The following HCN1 variants were observed in gnomAD, a reference collection of about 807,000 sequenced individuals.
The protein encoded by HCN1 is potassium/sodium hyperpolarization-activated cyclic nucleotide-gated channel 1.
HCN1 carries 13 observed loss-of-function variants against 78.9 expected under a neutral mutation model. That is an observed-to-expected ratio of 0.16 (90% CI 0.11 to 0.26). The LOEUF is 0.26. HCN1 is among the 10% of genes least tolerant of loss of function. The pLI, the probability that HCN1 is intolerant of heterozygous loss-of-function variation, is 1.00. For missense variants in HCN1, 810 were observed against 1,154.3 expected (o/e 0.70, Z 4.32); for synonymous variants, 552 against 455.5 (o/e 1.21, Z -2.70).
intron 5 of HCN1, among the ~76,000 whole-genome samples, chr5:45,318,528 G>T (rs940864378): frequency 2.6e-5 from 4 of 151,500 alleles, no homozygotes; most frequent in Non-Finnish European, 5.9e-5. Context: ...AAACCTGCAC[G>T]TTGTGCACAT....
At chr5:45,596,046 C>A (rs995992020) in intron 2 of HCN1, among the ~76,000 whole-genome samples, 1 of 151,858 alleles carries the variant, frequency 6.6e-6, no homozygotes, top group Non-Finnish European at 1.5e-5. Context: ...CAGGGGACCA[C>A]AACCACACCC....
At chr5:45,370,235 G>A (rs1317152421) in intron 4 of HCN1, among the ~76,000 whole-genome samples, 1 of 151,640 alleles carries the variant, frequency 6.6e-6, no homozygotes, top group Non-Finnish European at 1.5e-5. Flanking sequence ...ATTAAAAACG[G>A]ACATATTTAT....
At chr5:45,651,139 GCTC>G (rs1174477664) in intron 1 of HCN1, among the ~76,000 whole-genome samples, 1 of 151,862 alleles carries the variant, frequency 6.6e-6, no homozygotes, top group African/African-American at 2.4e-5. Context: ...ATTTACAGTC[GCTC>G]CTATTTTATC....
At chr5:45,408,969 G>T (rs1008382031) in intron 3 of HCN1, among the ~76,000 whole-genome samples, 1 of 151,900 alleles carries the variant, frequency 6.6e-6, no homozygotes, top group African/African-American at 2.4e-5. Context: ...TGTTTATGTC[G>T]GTTATCAGAT....
chr5:45,310,169 A>G (rs570249237), intron 5 of HCN1, among the ~76,000 whole-genome samples: 2 of 152,204 alleles, frequency 1.3e-5, no homozygotes, highest in East Asian at 1.9e-4. Flanking sequence ...ACAAACGGGA[A>G]CTAATTAAAC....
At chr5:45,424,695 T>A (rs548410664) in intron 3 of HCN1, among the ~76,000 whole-genome samples, 2,068 of 152,296 alleles carry the variant, frequency 0.014, 27 homozygotes, top group Middle Eastern at 0.061. Flanking sequence ...TTTTTGCTGT[T>A]TATTACTGAC....
At chr5:45,604,619 T>C (rs1294585772) in intron 2 of HCN1, among the ~76,000 whole-genome samples, 2 of 151,900 alleles carry the variant, frequency 1.3e-5, no homozygotes, top group Admixed American at 1.3e-4. Context: ...AAGCTAAATA[T>C]ATCAACCTTT....
At chr5:45,594,726 A>G (rs1031170486) in intron 2 of HCN1, among the ~76,000 whole-genome samples, 3 of 152,236 alleles carry the variant, frequency 2.0e-5, no homozygotes, top group African/African-American at 7.2e-5. Flanking sequence ...CCATAATTGC[A>G]TAAGGAGATG....
intron 2 of HCN1, among the ~76,000 whole-genome samples, chr5:45,465,935 T>C (rs1198269234): frequency 1.3e-5 from 2 of 152,166 alleles, no homozygotes; most frequent in African/African-American, 4.8e-5. Flanking sequence ...TTTTATATTA[T>C]AGGTTTAGAA....
At chr5:45,593,951 C>T (rs1157283633) in intron 2 of HCN1, among the ~76,000 whole-genome samples, 2 of 152,148 alleles carry the variant, frequency 1.3e-5, no homozygotes, top group African/African-American at 4.8e-5. Flanking sequence ...GCTGGGATTA[C>T]AGGCATCAGC....
chr5:45,497,723 C>T (rs77611276), intron 2 of HCN1, among the ~76,000 whole-genome samples: 2 of 152,124 alleles, frequency 1.3e-5, no homozygotes, highest in African/African-American at 4.8e-5. Context: ...GCAGCTGGTA[C>T]TGGTTGTTCC....
chr5:45,347,926 G>A (rs1746785092), intron 5 of HCN1, among the ~76,000 whole-genome samples: 2 of 152,194 alleles, frequency 1.3e-5, no homozygotes, highest in South Asian at 4.1e-4. Flanking sequence ...ATGGAACCAA[G>A]TTGGAAAACA....
intron 4 of HCN1, among the ~76,000 whole-genome samples, chr5:45,373,089 TATA>T (rs1004250438): frequency 1.5e-5 from 2 of 132,896 alleles, no homozygotes; most frequent in African/African-American, 5.5e-5. Flanking sequence ...TATATAAAAA[TATA>T]ATATATATAA....
At chr5:45,358,700 T>C (rs1189480962) in intron 4 of HCN1, among the ~76,000 whole-genome samples, 1 of 152,114 alleles carries the variant, frequency 6.6e-6, no homozygotes, top group African/African-American at 2.4e-5. Flanking sequence ...AGATGGCTGT[T>C]CAGAGGGCCT....
At chr5:45,606,992 A>G (rs1561218040) in intron 2 of HCN1, among the ~76,000 whole-genome samples, 1 of 151,934 alleles carries the variant, frequency 6.6e-6, no homozygotes, top group Non-Finnish European at 1.5e-5. Context: ...GATGTTAGAA[A>G]AGGAACAGAA....
At chr5:45,587,768 C>A (rs1344719043) in intron 2 of HCN1, among the ~76,000 whole-genome samples, 1 of 152,030 alleles carries the variant, frequency 6.6e-6, no homozygotes, top group South Asian at 2.1e-4. Context: ...ATGTCATTAA[C>A]TGAATACTTG....
At chr5:45,610,008 A>G (rs557690727) in intron 2 of HCN1, among the ~76,000 whole-genome samples, 90 of 152,318 alleles carry the variant, frequency 5.9e-4, no homozygotes, top group Non-Finnish European at 1.1e-3. Context: ...CGTCTTGTGT[A>G]TGATGCTAAT....
chr5:45,485,657 TA>T (rs573892729), intron 2 of HCN1, among the ~76,000 whole-genome samples: 3 of 151,792 alleles, frequency 2.0e-5, no homozygotes, highest in Admixed American at 6.6e-5. Context: ...TCACTACTTG[TA>T]AAAAAAATAC....
intron 3 of HCN1, among the ~76,000 whole-genome samples, chr5:45,423,577 T>C (rs561627013): frequency 7.0e-6 from 1 of 143,698 alleles, no homozygotes; most frequent in South Asian, 2.1e-4. Context: ...ATTTCAATCA[T>C]ATCCATTCTT....
Sources: allele counts gnomAD v4.1 joint callset (sites outside exome capture counted in the v4.1 genomes callset), GRCh38; gene constraint gnomAD v4.1.1; transcripts MANE v1.5; gene names NCBI Gene and HGNC (gene_info 2026-07-23, HGNC 2026-07-21).